The following ARMC2 variants were observed in gnomAD, a reference collection of about 807,000 sequenced individuals.
ARMC2 encodes the protein armadillo repeat-containing protein 2.
ARMC2 carries 67 observed loss-of-function variants against 90.3 expected under a neutral mutation model. The ratio of observed to expected loss-of-function variants is 0.74; its 90% CI spans 0.61 to 0.91. ARMC2 has a LOEUF of 0.91. ARMC2 is among the 40% of genes least tolerant of loss of function. The probability of loss-of-function intolerance (pLI) is 0.00; values close to 1 mark genes in which losing one functional copy is unlikely to be tolerated. For missense variants in ARMC2, 920 were observed against 1,030.9 expected, an observed-to-expected ratio of 0.89 and a Z score of 1.47; for synonymous variants, 393 against 393.0, an observed-to-expected ratio of 1.00 and a Z score of 0.00.
chr6:108,967,483 T>G (rs962096362), intron 17 of ARMC2, among the ~76,000 whole-genome samples: 1 of 152,124 alleles, frequency 6.6e-6, no homozygotes, highest in Non-Finnish European at 1.5e-5. Flanking sequence ...TTCATTTTAG[T>G]GGGCCCTGCT....
chr6:108,915,109 C>A (rs187839226), intron 10 of ARMC2, among the ~76,000 whole-genome samples: 2 of 152,110 alleles, frequency 1.3e-5, no homozygotes, highest in East Asian at 3.9e-4. Context: ...CCCGCCACCA[C>A]GCCTGGCTAA....
At chr6:108,930,620 G>A (rs9398180) in intron 11 of ARMC2, among the ~76,000 whole-genome samples, 4,031 of 99,596 alleles carry the variant, frequency 0.04, 179 homozygotes, top group East Asian at 0.27. Flanking sequence ...TTTTTGAGTT[G>A]GAGTCTTACT....
chr6:109,018,714 T>C, the ARMC2 span, among the ~76,000 whole-genome samples: 1 of 152,192 alleles, frequency 6.6e-6, no homozygotes, highest in Admixed American at 6.5e-5. Context: ...TGTTCAAGCT[T>C]CTGGATCAGT....
chr6:108,875,174 A>G (rs1175142529), intron 4 of ARMC2, among the ~76,000 whole-genome samples: 2 of 152,152 alleles, frequency 1.3e-5, no homozygotes, highest in East Asian at 1.9e-4. Context: ...CCTAATACCA[A>G]TTTGCTGATA....
intron 5 of ARMC2, among the ~76,000 whole-genome samples, chr6:108,876,673 A>T (rs755276951): frequency 6.6e-6 from 1 of 152,130 alleles, no homozygotes; most frequent in Non-Finnish European, 1.5e-5. Flanking sequence ...GTTATTTGGG[A>T]TTCTTGCATG....
At chr6:108,971,020 C>T (rs961853862) in intron 17 of ARMC2, among the ~76,000 whole-genome samples, 4 of 151,688 alleles carry the variant, frequency 2.6e-5, no homozygotes, top group Non-Finnish European at 5.9e-5. Context: ...GTCAGGAGTT[C>T]GAGACCAGCC....
chr6:108,960,383 T>C (rs189708124), intron 13 of ARMC2, among the ~76,000 whole-genome samples: 17 of 152,258 alleles, frequency 1.1e-4, no homozygotes, highest in South Asian at 4.1e-4. Flanking sequence ...TGGCCAGAAA[T>C]GTCAAGAGAT....
chr6:108,895,856 G>A (rs140425795), intron 6 of ARMC2, among the ~76,000 whole-genome samples: 1,957 of 152,260 alleles, frequency 0.013, 19 homozygotes, highest in Middle Eastern at 0.082. Context: ...GAGGGGAATG[G>A]ATGCAGGGAG....
chr6:108,872,231 A>C (rs1233988667), intron 4 of ARMC2, among the ~76,000 whole-genome samples: 1 of 152,190 alleles, frequency 6.6e-6, no homozygotes, highest in Non-Finnish European at 1.5e-5. Context: ...GTGAAAGAGG[A>C]AGAGATTTGT....
chr6:108,883,586 C>A (rs2806368), intron 5 of ARMC2, among the ~76,000 whole-genome samples: 123,613 of 152,140 alleles, frequency 0.81, 50,342 homozygotes, highest in South Asian at 0.86. Context: ...TCTGAAATTG[C>A]AATATATAGT....
chr6:108,873,824 C>T (rs1463367673), intron 4 of ARMC2, among the ~76,000 whole-genome samples: 2 of 152,196 alleles, frequency 1.3e-5, no homozygotes, highest in African/African-American at 4.8e-5. Context: ...CAAGCTTTCT[C>T]CACTCTCTCT....
intron 12 of ARMC2, among the ~76,000 whole-genome samples, chr6:108,945,450 A>G (rs1374320807): frequency 2.6e-5 from 4 of 152,248 alleles, no homozygotes; most frequent in Admixed American, 1.3e-4. Flanking sequence ...CTACATTCCT[A>G]TCACATGTGT....
the ARMC2 span, chr6:109,002,190 C>A: frequency 1.7e-6 from 2 of 1,148,188 alleles, no homozygotes; most frequent in East Asian, 2.4e-5. Context: ...TGTTGTTGAC[C>A]AACAGTTCTT....
intron 5 of ARMC2, among the ~76,000 whole-genome samples, chr6:108,884,926 C>G (rs1301963313): frequency 6.6e-6 from 1 of 152,190 alleles, no homozygotes; most frequent in Non-Finnish European, 1.5e-5. Flanking sequence ...CTGCATGGCA[C>G]TGGTTAACAC....
chr6:109,022,144 C>A, the ARMC2 span, among the ~76,000 whole-genome samples: 1 of 151,836 alleles, frequency 6.6e-6, no homozygotes, highest in African/African-American at 2.4e-5. Context: ...TAGAGATGCA[C>A]CCATTTGAAG....
intron 10 of ARMC2, 121 bp downstream of exon 10, chr6:108,912,679 A>G: frequency 3.4e-6 from 3 of 877,384 alleles, no homozygotes; most frequent in Non-Finnish European, 5.2e-6. Flanking sequence ...CTGGCCTCCA[A>G]GGGCAGCAGC....
chr6:108,981,020 C>T, the ARMC2 span, among the ~76,000 whole-genome samples: 4 of 152,034 alleles, frequency 2.6e-5, no homozygotes, highest in African/African-American at 9.7e-5. Context: ...TATTGTAGTC[C>T]ATAATGTAAG....
intron 12 of ARMC2, among the ~76,000 whole-genome samples, chr6:108,944,613 A>G (rs1776674265): frequency 6.6e-6 from 1 of 152,226 alleles, no homozygotes; most frequent in Non-Finnish European, 1.5e-5. Flanking sequence ...TTTCATCTTT[A>G]AAATAATTCC....
chr6:108,859,071 A>G (rs1774949747), intron 3 of ARMC2, among the ~76,000 whole-genome samples: 1 of 152,292 alleles, frequency 6.6e-6, no homozygotes. Flanking sequence ...TTAATGATAA[A>G]TTCTCCTTTC....
Sources: allele counts gnomAD v4.1 joint callset (sites outside exome capture counted in the v4.1 genomes callset), GRCh38; gene constraint gnomAD v4.1.1; transcripts MANE v1.5; gene names NCBI Gene and HGNC (gene_info 2026-07-23, HGNC 2026-07-21).